Variants in PCDHGA3 observed in about 807,000 individuals in gnomAD.
The protein encoded by PCDHGA3 is protocadherin gamma subfamily A, 3, also known as protocadherin gamma-A3.
Under a neutral mutation model 58.5 loss-of-function variants are expected in PCDHGA3, and 40 were observed. The ratio of observed to expected loss-of-function variants is 0.68; its 90% confidence interval spans 0.53 to 0.89. The LOEUF (loss-of-function observed/expected upper bound fraction) is 0.89. Ranked by LOEUF, PCDHGA3 falls within the 40% of genes least tolerant of loss-of-function variation. The probability of loss-of-function intolerance (pLI) is 0.00; values close to 1 mark genes in which losing one functional copy is unlikely to be tolerated. For synonymous variants in PCDHGA3, 530 were observed against 525.7 expected (o/e 1.01, Z -0.11); for missense variants, 1,223 against 1,195.9 (o/e 1.02, Z -0.33).
intron 1 of PCDHGA3, chr5:141,362,146 G>A (rs1351583274): frequency 9.9e-6 from 16 of 1,613,938 alleles, no homozygotes; most frequent in Non-Finnish European, 1.4e-5. Flanking sequence ...CCTGCAAGAG[G>A]TATTGCCAGA....
At chr5:141,400,235 T>TGATTCTGGCCGTTGCC in intron 1 of PCDHGA3, 1 of 1,614,006 alleles carries the variant, frequency 6.2e-7, no homozygotes, top group East Asian at 2.2e-5. Flanking sequence ...CTCCTGGCCG[T>TGATTCTGGCCGTTGCC]GATTCTGGCC....
In PCDHGA3 at chr5:141,345,955, G is replaced by C. The variant is rs766271873; in HGVS notation, c.1922G>C (p.Ser641Thr). 2 of 1,613,622 alleles carry C rather than the reference G, an allele frequency of 1.2e-6. No individual in the cohort carries two copies. The highest frequency in any genetic ancestry group is 2.7e-5 in the African/African-American group (2 of 75,052). ...CTGGACAGAGACGCGCTCAAGCAGA[G>C]CCTCGTGGTGGCCGTCCAGGACCAC... ...ALLDRDALKQ[S>T]LVVAVQDHGQ... The change falls in exon 1 of 4, where the codon AGC becomes ACC. Residue 641 changes from serine (S) to threonine (T), a missense_variant. By Grantham distance (58) the Ser-to-Thr change is moderately conservative. Coordinates refer to ENST00000253812, the MANE Select transcript of PCDHGA3 (RefSeq NM_018916.4).
chr5:141,507,296 C>T (rs1020117646), intron 3 of PCDHGA3: 1 of 141,360 alleles, frequency 7.1e-6, no homozygotes, highest in Non-Finnish European at 1.5e-5. Flanking sequence ...TCAAATGTTG[C>T]ATGAGACATA....
Position 141,485,200 on chromosome 5 carries a change from A to C in PCDHGA3, c.2425-9607A>C. 1 of 1,614,116 alleles carries C rather than the reference A, an allele frequency of 6.2e-7. No homozygotes were observed. The highest frequency in any genetic ancestry group is 2.2e-5 in the East Asian group (1 of 44,872). ...TGCTCCGCAAGGTGAGAAGCTGGAC[A>C]GAAATCTGGCGGTGGGCTACCCTTT... On this transcript the variant is annotated intron_variant, in intron 1 of 3. Coordinates refer to ENST00000253812, the MANE Select transcript of PCDHGA3 (RefSeq NM_018916.4). This position sits in a 1 kb window ranked among gnomAD's most constrained non-coding sequence, Gnocchi z 5.7.
chr5:141,422,314 C>G (rs1207977453), intron 1 of PCDHGA3: 2 of 1,547,838 alleles, frequency 1.3e-6, no homozygotes, highest in Non-Finnish European at 1.7e-6. Context: ...AAACTCTCCT[C>G]CAGGTACAGT....
chr5:141,374,708 C>T (rs974732178), intron 1 of PCDHGA3: 3 of 1,609,146 alleles, frequency 1.9e-6, no homozygotes, highest in South Asian at 2.2e-5. Flanking sequence ...AGCCGTTTAC[C>T]GCCTGGTCCT....
intron 2 of PCDHGA3, among the ~76,000 whole-genome samples, chr5:141,499,738 A>G (rs1284003023): frequency 2.4e-5 from 3 of 127,268 alleles, no homozygotes; most frequent in South Asian, 2.4e-4. Flanking sequence ...TCTCTTGCCC[A>G]GGCTGTGGCA....
At chr5:141,403,119 C>T in intron 1 of PCDHGA3, 1 of 1,614,060 alleles carries the variant, frequency 6.2e-7, no homozygotes, top group Non-Finnish European at 8.5e-7. Flanking sequence ...GCTCTGGAGC[C>T]CCGGGAGCTG....
chr5:141,356,207 C>T (rs763189186), intron 1 of PCDHGA3: 1 of 1,606,100 alleles, frequency 6.2e-7, no homozygotes. Flanking sequence ...GTACTGGTGA[C>T]AGTTCTGGAT....
At chr5:141,465,649 A>C (rs1174371552) in intron 1 of PCDHGA3, among the ~76,000 whole-genome samples, 1 of 152,200 alleles carries the variant, frequency 6.6e-6, no homozygotes, top group African/African-American at 2.4e-5. Context: ...TGAACATCCC[A>C]AAAAAGCGCT....
chr5:141,351,883 C>A, intron 1 of PCDHGA3: 1 of 1,613,370 alleles, frequency 6.2e-7, no homozygotes, highest in Non-Finnish European at 8.5e-7. Flanking sequence ...TCAGCGCCAA[C>A]GTGAGCCTGC....
At chr5:141,394,754 G>A (rs753264235) in intron 1 of PCDHGA3, 3 of 1,613,428 alleles carry the variant, frequency 1.9e-6, no homozygotes, top group African/African-American at 2.7e-5. Flanking sequence ...TGGCCGTCCA[G>A]GACCATGGCC....
rs2099750805 is a variant in PCDHGA3, at chr5:141,493,915, T to C, written c.2425-892T>C. ...TGCTCCATGAGAGTGTGTGATGGGA[T>C]AACACACCCCCTGGAAAGACCAGAA... On this transcript the variant is annotated intron_variant, in intron 1 of 3. Transcript: ENST00000253812. This position sits in a 1 kb window ranked among gnomAD's most constrained non-coding sequence, Gnocchi z 4.3. Among the ~76,000 whole-genome samples, 1 of 152,024 alleles carries C rather than the reference T, an allele frequency of 6.6e-6. No homozygotes were observed. Among genetic ancestry groups the C allele is most frequent in the African/African-American group, 2.4e-5 (1 of 41,386 alleles).
intron 1 of PCDHGA3, among the ~76,000 whole-genome samples, chr5:141,452,316 T>C (rs2098738639): frequency 6.6e-6 from 1 of 152,208 alleles, no homozygotes; most frequent in Non-Finnish European, 1.5e-5. Flanking sequence ...ACTCATACTT[T>C]CCTTGTTCCA....
intron 2 of PCDHGA3, among the ~76,000 whole-genome samples, chr5:141,498,371 C>T (rs188547878): frequency 6.6e-6 from 1 of 151,838 alleles, no homozygotes; most frequent in Admixed American, 6.6e-5. Flanking sequence ...TGTGGTGAGG[C>T]CTCCTGGGAT....
At chr5:141,425,253 A>G (rs1019069029) in intron 1 of PCDHGA3, among the ~76,000 whole-genome samples, 12 of 152,196 alleles carry the variant, frequency 7.9e-5, no homozygotes, top group Non-Finnish European at 1.5e-4. Context: ...GATATGAGGT[A>G]TTTGGCTGGG....
intron 1 of PCDHGA3, among the ~76,000 whole-genome samples, chr5:141,368,655 A>G (rs761837441): frequency 1.3e-5 from 2 of 152,170 alleles, no homozygotes; most frequent in Non-Finnish European, 2.9e-5. Flanking sequence ...CAATGGAAAA[A>G]TATCTTTAAA....
intron 1 of PCDHGA3, chr5:141,365,075 G>A (rs754573655): frequency 6.2e-7 from 1 of 1,613,842 alleles, no homozygotes. Context: ...CGAGTACAGC[G>A]TGAGTGTTCC....
At chr5:141,347,354 T>G (rs1293952352) in intron 1 of PCDHGA3, among the ~76,000 whole-genome samples, 1 of 151,892 alleles carries the variant, frequency 6.6e-6, no homozygotes, top group Non-Finnish European at 1.5e-5. Context: ...GGGCAATTGC[T>G]ATGTTTCCCA....
Sources: gnomAD v4.1 joint callset for allele counts (sites outside exome capture counted in the v4.1 genomes callset) on GRCh38, gnomAD v4.1.1 for gene constraint, Gnocchi (gnomAD v3.1) non-coding constraint, MANE v1.5 for transcripts, NCBI Gene and HGNC (gene_info 2026-07-23, HGNC 2026-07-21) for gene names.